The following VEGFC variants were observed in gnomAD, a reference collection of about 807,000 sequenced individuals.
VEGFC encodes vascular endothelial growth factor C.
VEGFC carries 12 observed loss-of-function variants against 46.1 expected under a neutral mutation model. That is an observed-to-expected ratio of 0.26 (90% CI 0.17 to 0.42). The LOEUF is 0.42. Among genes scored for constraint, VEGFC ranks in the 10% least tolerant of loss-of-function variants. VEGFC has a pLI of 1.00. For missense variants in VEGFC, 488 were observed against 529.4 expected (o/e 0.92, Z 0.77); for synonymous variants, 232 against 195.5 (o/e 1.19, Z -1.56).
chr4:176,790,692 G>A (rs1736075466), intron 1 of VEGFC, among the ~76,000 whole-genome samples: 1 of 152,126 alleles, frequency 6.6e-6, no homozygotes, highest in African/African-American at 2.4e-5. Context: ...AACCAATACA[G>A]AGATGTTGCC....
At chr4:176,712,222 CA>C (rs1347166840) in intron 3 of VEGFC, among the ~76,000 whole-genome samples, 8 of 151,234 alleles carry the variant, frequency 5.3e-5, no homozygotes, top group Non-Finnish European at 8.9e-5. Context: ...ATGTTTAAAA[CA>C]AAAAAAACTA....
intron 6 of VEGFC, among the ~76,000 whole-genome samples, chr4:176,684,893 G>A (rs1370904321): frequency 6.6e-6 from 1 of 152,098 alleles, no homozygotes; most frequent in South Asian, 2.1e-4. Flanking sequence ...GCCTGGCTAA[G>A]TTTCTGTATT....
intron 3 of VEGFC, among the ~76,000 whole-genome samples, chr4:176,725,555 G>A (rs1734858946): frequency 6.6e-6 from 1 of 152,138 alleles, no homozygotes; most frequent in African/African-American, 2.4e-5. Context: ...AGGAGGAAGA[G>A]CAGAGAGAAG....
intron 6 of VEGFC, 29 bp downstream of exon 6, chr4:176,687,158 A>C: frequency 6.3e-7 from 1 of 1,582,990 alleles, no homozygotes; most frequent in Non-Finnish European, 8.6e-7. Context: ...TAGTAAGATA[A>C]ATTAATATTC....
At position 176,792,238 on chromosome 4, in the gene VEGFC, G is replaced by A. The variant is rs1043758766; in HGVS notation, c.74C>T (p.Ala25Val). 1 of 1,555,566 alleles carries A rather than the reference G, an allele frequency of 6.4e-7. No homozygotes were observed. Among genetic ancestry groups the A allele is most frequent in the African/African-American group, 1.4e-5 (1 of 70,474 alleles). Residue 25 changes from alanine to valine, a missense_variant, in exon 1 of 7, where the codon GCG (alanine) becomes GTG (valine). Coordinates refer to ENST00000618562, the MANE Select transcript of VEGFC (RefSeq NM_005429.5). This position sits in a 1 kb window ranked among gnomAD's most constrained non-coding sequence, Gnocchi z 6.3. Reference sequence around the variant, plus strand: ...CTCGAAGGCGGCGGCGGCGGCGGGCGCCTCGCGAGGACCCGGGAGCAGCGC... The same window carrying A: ...CTCGAAGGCGGCGGCGGCGGCGGGCACCTCGCGAGGACCCGGGAGCAGCGC... ...AAALLPGPRE[A>V]PAAAAAFESG...
chr4:176,744,493 A>G (rs1407650624), intron 1 of VEGFC, among the ~76,000 whole-genome samples: 3 of 152,062 alleles, frequency 2.0e-5, no homozygotes, highest in South Asian at 4.1e-4. Context: ...GAGGCAATGT[A>G]GTAGGCCTAT....
chr4:176,787,568 G>A (rs936729713), intron 1 of VEGFC, among the ~76,000 whole-genome samples: 4 of 151,756 alleles, frequency 2.6e-5, no homozygotes, highest in African/African-American at 4.8e-5. Flanking sequence ...ACTAGGGCGC[G>A]AGCAGTATAA....
rs1324534098 is a variant in VEGFC, at chr4:176,687,915, C to T, written c.717G>A (p.Ala239=). ...LPATLPQCQA[A]NKTCPTNYMW... Reference sequence around the variant, plus strand: ...TGTAATTGGTGGGGCAGGTCTTGTTCGCTGCCTGACACCTTTGGAAGAAAC... The same window carrying T: ...TGTAATTGGTGGGGCAGGTCTTGTTTGCTGCCTGACACCTTTGGAAGAAAC... The change falls in exon 5 of 7, where the codon GCG becomes GCA. Residue 239 remains alanine (A), a synonymous_variant. Transcript: ENST00000618562. The T allele has an allele frequency of 5.0e-6, 8 of 1,610,924 alleles. No homozygotes were observed. Among genetic ancestry groups the T allele is most frequent in the East Asian group, 4.5e-5 (2 of 44,796 alleles).
intron 1 of VEGFC, among the ~76,000 whole-genome samples, chr4:176,789,168 T>C (rs1448237569): frequency 6.6e-6 from 1 of 152,132 alleles, no homozygotes; most frequent in Non-Finnish European, 1.5e-5. Flanking sequence ...CACATGGAGA[T>C]AACTAGGAGG....
intron 1 of VEGFC, among the ~76,000 whole-genome samples, chr4:176,734,875 T>C (rs1560949789): frequency 1.3e-5 from 2 of 151,846 alleles, no homozygotes. Context: ...TTTTTAAAAT[T>C]TAAACTGATA....
intron 4 of VEGFC, among the ~76,000 whole-genome samples, chr4:176,709,528 C>T (rs961067659): frequency 6.6e-6 from 1 of 152,158 alleles, no homozygotes; most frequent in Non-Finnish European, 1.5e-5. Flanking sequence ...AGGAGAAAGA[C>T]CTTTACCTGA....
At chr4:176,760,952 A>G (rs182966886) in intron 1 of VEGFC, among the ~76,000 whole-genome samples, 43 of 152,340 alleles carry the variant, frequency 2.8e-4, no homozygotes, top group Admixed American at 2.2e-3. Context: ...ATAGGTAGGA[A>G]AAAGAAGTTT....
At chr4:176,777,676 C>T (rs10011490) in intron 1 of VEGFC, among the ~76,000 whole-genome samples, 16,669 of 152,058 alleles carry the variant, frequency 0.11, 2,275 homozygotes, top group African/African-American at 0.32. Flanking sequence ...AATCCCAGCA[C>T]TTTGGGAGGC....
At chr4:176,686,851 T>C (rs1486255218) in intron 6 of VEGFC, among the ~76,000 whole-genome samples, 2 of 152,194 alleles carry the variant, frequency 1.3e-5, no homozygotes, top group Non-Finnish European at 2.9e-5. Flanking sequence ...TTTAGAACAG[T>C]TGTCCTAAAT....
intron 4 of VEGFC, among the ~76,000 whole-genome samples, chr4:176,695,582 C>T (rs1350034348): frequency 6.6e-6 from 1 of 151,862 alleles, no homozygotes; most frequent in Non-Finnish European, 1.5e-5. Context: ...CCTTCTGAAA[C>T]TATTCCAATC....
chr4:176,722,254 C>A (rs1352650434), intron 3 of VEGFC, among the ~76,000 whole-genome samples: 1 of 152,074 alleles, frequency 6.6e-6, no homozygotes, highest in Non-Finnish European at 1.5e-5. Context: ...AAACTCATAT[C>A]AACATTGTAA....
At chr4:176,776,183 T>G (rs1735810611) in intron 1 of VEGFC, among the ~76,000 whole-genome samples, 1 of 152,210 alleles carries the variant, frequency 6.6e-6, no homozygotes, top group South Asian at 2.1e-4. Context: ...GAAAGTGTTA[T>G]TTTGAGAAAC....
chr4:176,692,158 G>T (rs1162904785), intron 4 of VEGFC, among the ~76,000 whole-genome samples: 1 of 151,818 alleles, frequency 6.6e-6, no homozygotes, highest in Non-Finnish European at 1.5e-5. Flanking sequence ...ACTTTGGGAG[G>T]CCGAGGCGGG....
rs754026255 is a variant in VEGFC, at chr4:176,687,945, G to A, written c.705-18C>T. The A allele has an allele frequency of 2.0e-5, 31 of 1,537,006 alleles. No individual in the cohort carries two copies. Among genetic ancestry groups the A allele is most frequent in the Non-Finnish European group, 2.7e-5 (30 of 1,113,952 alleles). ...CCTGACACCTTTGGAAGAAACAGAC[G>A]AGGTTTAGCAATGGTGTAACTGGTA... is the stretch of plus-strand genomic sequence containing the variant. On this transcript the variant is annotated intron_variant, in intron 4 of 6. Transcript: ENST00000618562.
Sources: allele counts gnomAD v4.1 joint callset (sites outside exome capture counted in the v4.1 genomes callset), GRCh38; gene constraint gnomAD v4.1.1; non-coding constraint Gnocchi (gnomAD v3.1); transcripts MANE v1.5; gene names NCBI Gene and HGNC (gene_info 2026-07-23, HGNC 2026-07-21).